The following NLGN4X variants were observed in gnomAD, a reference collection of about 807,000 sequenced individuals.
NLGN4X encodes the protein neuroligin 4 X-linked, also known as neuroligin-4, X-linked.
A neutral mutation model predicts 40.3 loss-of-function variants in NLGN4X; 3 were observed. The ratio of observed to expected loss-of-function variants is 0.07; its 90% CI spans 0.03 to 0.19. NLGN4X has a LOEUF of 0.19. Among genes scored for constraint, NLGN4X ranks in the 10% least tolerant of loss-of-function variants. The pLI is 1.00. For missense variants in NLGN4X, 382 were observed against 708.3 expected, an observed-to-expected ratio of 0.54 and a Z score of 5.23; for synonymous variants, 270 against 306.8, an observed-to-expected ratio of 0.88 and a Z score of 1.25.
At chrX:5,981,020 T>C (rs1001083370) in intron 3 of NLGN4X, among the ~76,000 whole-genome samples, 2 of 111,622 alleles carry the variant, frequency 1.8e-5, no homozygotes, top group African/African-American at 6.5e-5. Flanking sequence ...ATATTGTATC[T>C]TCTCAGGAGG....
chrX:6,098,872 C>A (rs2038843178), intron 2 of NLGN4X, among the ~76,000 whole-genome samples: 1 of 112,533 alleles, frequency 8.9e-6, no homozygotes, highest in African/African-American at 3.2e-5. Flanking sequence ...GCTCTACCAG[C>A]ATCTAACATG....
chrX:6,053,394 C>T (rs1019302320), intron 2 of NLGN4X, among the ~76,000 whole-genome samples: 1 of 111,095 alleles, frequency 9.0e-6, no homozygotes, highest in Non-Finnish European at 1.9e-5. Flanking sequence ...GTTCATGCAG[C>T]AGACTGGAAC....
chrX:5,895,374 C>T (rs1293052195), intron 5 of NLGN4X, among the ~76,000 whole-genome samples: 2 of 111,151 alleles, frequency 1.8e-5, no homozygotes, highest in African/African-American at 6.6e-5. Flanking sequence ...ATATTACCCC[C>T]TCTCTTCCAA....
chrX:5,919,236 TA>T, intron 3 of NLGN4X, among the ~76,000 whole-genome samples: 1 of 111,558 alleles, frequency 9.0e-6, no homozygotes, highest in Non-Finnish European at 1.9e-5. Context: ...GGGCAATATA[TA>T]TATATATGTA....
At chrX:6,132,443 T>C (rs1022249909) in intron 2 of NLGN4X, among the ~76,000 whole-genome samples, 1 of 111,533 alleles carries the variant, frequency 9.0e-6, no homozygotes, top group East Asian at 2.8e-4. Flanking sequence ...AATTCTCTGC[T>C]GTGTGAGTCG....
At chrX:5,991,911 T>G (rs1401512559) in intron 3 of NLGN4X, among the ~76,000 whole-genome samples, 1 of 112,262 alleles carries the variant, frequency 8.9e-6, no homozygotes, top group African/African-American at 3.2e-5. Flanking sequence ...ATTTAATACA[T>G]TTCTACGAGT....
chrX:6,028,007 G>A (rs1276343273), intron 3 of NLGN4X, among the ~76,000 whole-genome samples: 2 of 109,910 alleles, frequency 1.8e-5, no homozygotes, highest in African/African-American at 6.6e-5. Context: ...AGTAGAGACA[G>A]GGTTTCACCA....
At chrX:6,180,400 CCTCT>C (rs1368502187) in intron 1 of NLGN4X, among the ~76,000 whole-genome samples, 5 of 109,598 alleles carry the variant, frequency 4.6e-5, no homozygotes, top group Non-Finnish European at 9.5e-5. Context: ...GCACCTTGCC[CCTCT>C]CTCTCTCTTC....
At chrX:5,949,516 C>T (rs1371655883) in intron 3 of NLGN4X, among the ~76,000 whole-genome samples, 1 of 111,610 alleles carries the variant, frequency 9.0e-6, no homozygotes, top group African/African-American at 3.3e-5. Context: ...ATACATCAGA[C>T]ATCAAATCGC....
At chrX:6,176,364 T>C (rs766170839) in intron 1 of NLGN4X, among the ~76,000 whole-genome samples, 32 of 112,584 alleles carry the variant, frequency 2.8e-4, no homozygotes, top group Admixed American at 1.0e-3. Flanking sequence ...CTTTCTTGTC[T>C]GTAAAATGAA....
chrX:6,116,410 TTTTTTTTTTTTTTTTTTTTTTTTG>T (rs1486088614), intron 2 of NLGN4X, among the ~76,000 whole-genome samples: 1 of 32,517 alleles, frequency 3.1e-5, no homozygotes, highest in Admixed American at 3.8e-4. Flanking sequence ...TTTTTTTTTT[TTTTTTTTTTTTTTTTTTTTTTTTG>T]AGACAGCGTC....
At chrX:6,131,131 T>G (rs2039673396) in intron 2 of NLGN4X, among the ~76,000 whole-genome samples, 1 of 111,217 alleles carries the variant, frequency 9.0e-6, no homozygotes, top group South Asian at 3.8e-4. Flanking sequence ...ATACCACCGA[T>G]AAATAATATT....
At chrX:6,172,441 C>T (rs2040627210) in intron 1 of NLGN4X, among the ~76,000 whole-genome samples, 1 of 112,044 alleles carries the variant, frequency 8.9e-6, no homozygotes, top group Admixed American at 9.5e-5. Flanking sequence ...TTCCATTTTG[C>T]TATCTCTCTC....
intron 1 of NLGN4X, among the ~76,000 whole-genome samples, chrX:6,178,996 G>T (rs1181126521): frequency 9.2e-6 from 1 of 109,067 alleles, no homozygotes; most frequent in East Asian, 2.9e-4. Context: ...AGAGGCTGAG[G>T]TGTGAGATGG....
At chrX:5,912,389 C>T (rs2032523126) in intron 3 of NLGN4X, among the ~76,000 whole-genome samples, 1 of 111,385 alleles carries the variant, frequency 9.0e-6, no homozygotes, top group Non-Finnish European at 1.9e-5. Context: ...CCAAAGTATT[C>T]TGGAAAAACC....
intron 3 of NLGN4X, among the ~76,000 whole-genome samples, chrX:5,940,574 G>C (rs2033888817): frequency 9.9e-6 from 1 of 100,811 alleles, no homozygotes; most frequent in Admixed American, 1.1e-4. Context: ...GTGATACAGT[G>C]AACACTGTTT....
At chrX:6,116,154 G>A (rs1015335522) in intron 2 of NLGN4X, among the ~76,000 whole-genome samples, 2 of 105,230 alleles carry the variant, frequency 1.9e-5, no homozygotes, top group African/African-American at 7.0e-5. Context: ...TTAGCCAGGC[G>A]TGGTGGTGGG....
chrX:6,073,125 C>A (rs1380240777), intron 2 of NLGN4X, among the ~76,000 whole-genome samples: 1 of 112,042 alleles, frequency 8.9e-6, no homozygotes, highest in Non-Finnish European at 1.9e-5. Context: ...AGTGGCATGT[C>A]TTTCATGATC....
intron 1 of NLGN4X, chrX:6,227,088 G>A (rs1049391991): frequency 8.0e-5 from 9 of 112,711 alleles, no homozygotes; most frequent in South Asian, 3.7e-4. Context: ...CCACTGGAGT[G>A]GGAAGGGGCT....
Sources: gnomAD v4.1 joint callset for allele counts (sites outside exome capture counted in the v4.1 genomes callset) on GRCh38, gnomAD v4.1.1 for gene constraint, MANE v1.5 for transcripts, NCBI Gene and HGNC (gene_info 2026-07-23, HGNC 2026-07-21) for gene names.